The following NRG3 variants were observed in gnomAD, a reference collection of about 807,000 sequenced individuals.
NRG3 encodes neuregulin 3.
Under a neutral mutation model 66.9 loss-of-function variants are expected in NRG3, and 31 were observed. The observed-to-expected ratio is 0.46, with a 90% CI of 0.35 to 0.63. The LOEUF (loss-of-function observed/expected upper bound fraction) is 0.63. NRG3 is among the 20% of genes least tolerant of loss of function. The pLI is 0.00. For synonymous variants in NRG3, 393 were observed against 359.4 expected (o/e 1.09, Z -1.06); for missense variants, 910 against 878.9 (o/e 1.04, Z -0.45).
chr10:81,880,406 C>CA (rs200467368), intron 1 of NRG3, among the ~76,000 whole-genome samples: 70 of 150,564 alleles, frequency 4.6e-4, no homozygotes, highest in Admixed American at 1.8e-3. Flanking sequence ...CCAAAAAAAA[C>CA]AAAAAAAAAC....
At chr10:82,224,594 A>G (rs1446845138) in intron 1 of NRG3, among the ~76,000 whole-genome samples, 3 of 152,230 alleles carry the variant, frequency 2.0e-5, no homozygotes, top group Admixed American at 1.3e-4. Context: ...ACAAATGGAA[A>G]CATCCATAAT....
chr10:82,871,149 G>A (rs1167939678), intron 4 of NRG3, among the ~76,000 whole-genome samples: 1 of 152,130 alleles, frequency 6.6e-6, no homozygotes, highest in African/African-American at 2.4e-5. Context: ...TGGATGTCAA[G>A]TTGTTCCAGC....
intron 1 of NRG3, among the ~76,000 whole-genome samples, chr10:82,076,777 C>T (rs777732985): frequency 4.6e-5 from 7 of 152,196 alleles, no homozygotes; most frequent in Non-Finnish European, 8.8e-5. Context: ...GAGAAGCAGA[C>T]GCTGACACTG....
chr10:82,845,534 CAA>C (rs960623829), intron 3 of NRG3, among the ~76,000 whole-genome samples: 3 of 121,440 alleles, frequency 2.5e-5, no homozygotes, highest in African/African-American at 3.1e-5. Context: ...CCTGGGCAGG[CAA>C]AAAAAAAAGG....
At chr10:82,541,051 G>T (rs1262247963) in intron 2 of NRG3, among the ~76,000 whole-genome samples, 1 of 152,088 alleles carries the variant, frequency 6.6e-6, no homozygotes, top group Non-Finnish European at 1.5e-5. Flanking sequence ...GCCAAGGAGT[G>T]AATTTCCAGG....
At chr10:82,611,926 A>G (rs1367943832) in intron 2 of NRG3, among the ~76,000 whole-genome samples, 1 of 152,178 alleles carries the variant, frequency 6.6e-6, no homozygotes, top group Non-Finnish European at 1.5e-5. Context: ...CCTCTCCAGC[A>G]TCTGTTGTTT....
intron 2 of NRG3, among the ~76,000 whole-genome samples, chr10:82,528,238 A>C (rs1306752740): frequency 6.6e-6 from 1 of 152,170 alleles, no homozygotes; most frequent in Non-Finnish European, 1.5e-5. Flanking sequence ...TTGGTAAGAG[A>C]GGACATGAGG....
intron 2 of NRG3, among the ~76,000 whole-genome samples, chr10:82,451,011 G>A (rs1449465710): frequency 6.6e-6 from 1 of 152,040 alleles, no homozygotes; most frequent in Non-Finnish European, 1.5e-5. Flanking sequence ...TTAACTGCTT[G>A]GCTACTGAAG....
At chr10:82,243,310 A>G (rs1251930666) in intron 1 of NRG3, among the ~76,000 whole-genome samples, 6 of 152,206 alleles carry the variant, frequency 3.9e-5, no homozygotes, top group African/African-American at 1.4e-4. Context: ...TGGAAACATG[A>G]TCATTACTGA....
Position 81,909,343 on chromosome 10 carries a change from T to G in NRG3, c.823+33180T>G, listed in dbSNP as rs978669457. Among the ~76,000 whole-genome samples, 4 of 152,344 alleles carry G rather than the reference T, an allele frequency of 2.6e-5. No individual in the cohort carries two copies. The South Asian group carries it at 8.3e-4, about 32-fold the overall frequency. Reference sequence around the variant, plus strand: ...GGCCCCATTTTCAAATAAGATCACATTCACAGGTTCTGGGTGGCCATGAAT... The same window carrying G: ...GGCCCCATTTTCAAATAAGATCACAGTCACAGGTTCTGGGTGGCCATGAAT... On this transcript the variant is annotated intron_variant, in intron 1 of 8. Transcript: ENST00000372141.
intron 2 of NRG3, among the ~76,000 whole-genome samples, chr10:82,430,710 A>G (rs999652546): frequency 1.3e-5 from 2 of 151,798 alleles, no homozygotes; most frequent in African/African-American, 4.8e-5. Context: ...CTAATTTTGT[A>G]TAGTTTGTGT....
intron 2 of NRG3, among the ~76,000 whole-genome samples, chr10:82,401,004 G>A (rs2087058884): frequency 6.6e-6 from 1 of 152,122 alleles, no homozygotes; most frequent in South Asian, 2.1e-4. Flanking sequence ...AGAATGAGAT[G>A]TGCACAAGGA....
intron 4 of NRG3, among the ~76,000 whole-genome samples, chr10:82,875,723 T>C (rs1841761804): frequency 6.6e-6 from 1 of 152,240 alleles, no homozygotes; most frequent in African/African-American, 2.4e-5. Flanking sequence ...GTACATGCGC[T>C]GTTAATCACA....
intron 3 of NRG3, among the ~76,000 whole-genome samples, chr10:82,775,103 G>A (rs1433137712): frequency 6.6e-6 from 1 of 151,660 alleles, no homozygotes; most frequent in Non-Finnish European, 1.5e-5. Context: ...TGGGATTATA[G>A]GTGTGAGCCA....
chr10:82,007,890 T>C (rs756617930), intron 1 of NRG3, among the ~76,000 whole-genome samples: 5 of 152,204 alleles, frequency 3.3e-5, no homozygotes, highest in Admixed American at 6.5e-5. Context: ...CTAAATGCTT[T>C]CCCAGTGCAT....
chr10:82,577,616 T>C (rs1220110335), intron 2 of NRG3, among the ~76,000 whole-genome samples: 2 of 151,854 alleles, frequency 1.3e-5, no homozygotes, highest in East Asian at 3.9e-4. Context: ...TTTGTTGCAC[T>C]AGCTTAAAAA....
At chr10:82,912,135 T>C (rs1845380592) in intron 4 of NRG3, among the ~76,000 whole-genome samples, 1 of 152,172 alleles carries the variant, frequency 6.6e-6, no homozygotes, top group South Asian at 2.1e-4. Context: ...AGAATGTGTA[T>C]TCTGCTATGG....
At chr10:81,914,769 C>CAAAAAAAAAAAAAAAAAAAAAA (rs58460918) in intron 1 of NRG3, among the ~76,000 whole-genome samples, 1 of 67,182 alleles carries the variant, frequency 1.5e-5, no homozygotes, top group African/African-American at 4.9e-5. Flanking sequence ...AAACAGAAAG[C>CAAAAAAAAAAAAAAAAAAAAAA]AAAAAAAAAA....
chr10:82,623,077 A>G (rs1341029791), intron 2 of NRG3, among the ~76,000 whole-genome samples: 1 of 152,006 alleles, frequency 6.6e-6, no homozygotes, highest in Admixed American at 6.6e-5. Context: ...GAGATTCCCA[A>G]TTTTATTTGA....
Sources: gnomAD v4.1 joint callset for allele counts (sites outside exome capture counted in the v4.1 genomes callset) on GRCh38, gnomAD v4.1.1 for gene constraint, MANE v1.5 for transcripts, NCBI Gene and HGNC (gene_info 2026-07-23, HGNC 2026-07-21) for gene names.